ATP10A: variants seen among roughly 807,000 people sequenced by gnomAD.
ATP10A encodes the protein ATPase phospholipid transporting 10A (putative), also known as phospholipid-transporting ATPase VA.
Under a neutral mutation model 147.8 loss-of-function variants are expected in ATP10A, and 111 were observed. The ratio of observed to expected loss-of-function variants is 0.75; its 90% CI spans 0.64 to 0.88. The LOEUF is 0.88. Ranked by LOEUF, ATP10A falls within the 40% of genes least tolerant of loss-of-function variation. The pLI is 0.00. For synonymous variants in ATP10A, 875 were observed against 841.6 expected, an observed-to-expected ratio of 1.04 and a Z score of -0.69; for missense variants, 1,927 against 1,959.0, an observed-to-expected ratio of 0.98 and a Z score of 0.31.
At position 25,855,077 on chromosome 15, in the gene ATP10A, A is replaced by AAC. The variant is rs1555481749; in HGVS notation, c.449+7570_449+7571insGT. Among the ~76,000 whole-genome samples the AAC allele has an allele frequency of 6.0e-5, 9 of 150,662 alleles. No individual in the cohort carries two copies. In the East Asian group the frequency reaches 7.9e-4, roughly 13 times the overall value. ...TCCGTCTCACAAAAAAAAAAAAAAA[A>AAC]CAGAAAAAAAGAAAATAGTGGAAAC... is the stretch of plus-strand genomic sequence containing the variant. On this transcript the variant is annotated intron_variant, in intron 1 of 20. Coordinates refer to ENST00000555815, the MANE Select transcript of ATP10A (RefSeq NM_024490.4).
intron 1 of ATP10A, among the ~76,000 whole-genome samples, chr15:25,807,095 G>A (rs1018666811): frequency 2.6e-5 from 4 of 152,254 alleles, no homozygotes; most frequent in Non-Finnish European, 5.9e-5. Context: ...GAAGTTCATG[G>A]CTTTTAAGGA....
intron 1 of ATP10A, among the ~76,000 whole-genome samples, chr15:25,844,859 G>A (rs1892949599): frequency 6.6e-6 from 1 of 152,188 alleles, no homozygotes; most frequent in Non-Finnish European, 1.5e-5. Flanking sequence ...CACATGAGGT[G>A]GCTTCAGCTT....
intron 1 of ATP10A, among the ~76,000 whole-genome samples, chr15:25,784,905 G>A (rs1162820635): frequency 6.6e-6 from 1 of 150,810 alleles, no homozygotes; most frequent in African/African-American, 2.4e-5. Context: ...CTGGGTGACG[G>A]AGCGAGACCC....
At position 25,708,205 on chromosome 15, in the gene ATP10A, C is replaced by T. The variant is rs537076075; in HGVS notation, c.2440G>A (p.Ala814Thr). ...GAGACACCCCCACTCACTCTCTTGGCGATGCACAAGGTGCGCAGGCCTTCC... is the reference window on the plus strand; with the variant it reads ...GAGACACCCCCACTCACTCTCTTGGTGATGCACAAGGTGCGCAGGCCTTCC... ...AAEGLRTLCI[A>T]KRVLSKEEYA... Residue 814 changes from alanine (A) to threonine (T), a missense_variant, in exon 11 of 21, where the codon GCC becomes ACC. Coordinates refer to ENST00000555815, the MANE Select transcript of ATP10A (RefSeq NM_024490.4). The T allele has an allele frequency of 1.3e-4, 203 of 1,614,200 alleles. 2 individuals are homozygous for T. The South Asian group carries it at 1.7e-3, about 14-fold the overall frequency.
rs188383890 is a variant in ATP10A, at chr15:25,827,269, C to T, written c.449+35379G>A. On this transcript the variant is annotated intron_variant, in intron 1 of 20. Transcript: ENST00000555815. ...CCCCTCTCCTACAAGAAACAATAAA[C>T]AGAGTCCTTCAGGCTGAAATGAAAG... Among the ~76,000 whole-genome samples, 308 of 152,290 alleles carry T rather than the reference C, an allele frequency of 2.0e-3. 2 individuals carry two copies. Among genetic ancestry groups the T allele is most frequent in the African/African-American group, 7.0e-3 (291 of 41,570 alleles).
At chr15:25,859,694 C>A (rs983098740) in intron 1 of ATP10A, among the ~76,000 whole-genome samples, 2 of 152,156 alleles carry the variant, frequency 1.3e-5, no homozygotes, top group Non-Finnish European at 2.9e-5. Context: ...AACAGGACTG[C>A]TTCTCAAACA....
chr15:25,691,584 G>C (rs544993911), intron 15 of ATP10A, 131 bp downstream of exon 15: 4 of 832,598 alleles, frequency 4.8e-6, no homozygotes, highest in Non-Finnish European at 6.0e-6. Context: ...TTGAGCATCA[G>C]CTATATTAAG....
intron 9 of ATP10A, among the ~76,000 whole-genome samples, 168 bp downstream of exon 9, chr15:25,716,562 G>A (rs1901822587): frequency 6.6e-6 from 1 of 152,208 alleles, no homozygotes; most frequent in South Asian, 2.1e-4. Context: ...AGAACCACAA[G>A]CACTGTTTTG....
At chr15:25,693,801 T>C (rs909950415) in intron 14 of ATP10A, among the ~76,000 whole-genome samples, 6 of 152,174 alleles carry the variant, frequency 3.9e-5, no homozygotes, top group Non-Finnish European at 8.8e-5. Context: ...TTCAGGCCAG[T>C]GCTCGCTCTC....
chr15:25,678,615 TC>T (rs1416570476), downstream of ATP10A: 1 of 152,140 alleles, frequency 6.6e-6, no homozygotes, highest in Non-Finnish European at 1.5e-5. Flanking sequence ...CTTCATAGCC[TC>T]TAAAAGGACT....
chr15:25,854,233 C>T (rs1282875528), intron 1 of ATP10A, among the ~76,000 whole-genome samples: 4 of 152,050 alleles, frequency 2.6e-5, no homozygotes, highest in Admixed American at 1.3e-4. Flanking sequence ...GACAGGACAG[C>T]CAGCTTGAAA....
chr15:25,735,364 T>C (rs1169427761), intron 3 of ATP10A, among the ~76,000 whole-genome samples: 1 of 151,962 alleles, frequency 6.6e-6, no homozygotes, highest in Non-Finnish European at 1.5e-5. Context: ...CACACTCCGA[T>C]TATTATGGAA....
intron 1 of ATP10A, among the ~76,000 whole-genome samples, chr15:25,834,847 C>G (rs11630010): frequency 0.96 from 146,088 of 152,308 alleles, 70,411 homozygotes; most frequent in East Asian, 1. Context: ...GCTATGTGAA[C>G]GAAACCAGTT....
At position 25,749,093 on chromosome 15, in the gene ATP10A, C is replaced by T. The variant is rs1006945691; in HGVS notation, c.655-12952G>A. ...AAAAAAAAAAAAAAAAGAATTAATA[C>T]ATGAGTTTAGCAAAGTTTCTGGATA... On this transcript the variant is annotated intron_variant, in intron 2 of 20. Coordinates refer to ENST00000555815, the MANE Select transcript of ATP10A (RefSeq NM_024490.4). Among the ~76,000 whole-genome samples the T allele has an allele frequency of 5.6e-5, 8 of 141,850 alleles. 1 individual carries two copies. Among genetic ancestry groups the T allele is most frequent in the African/African-American group, 2.1e-4 (8 of 38,256 alleles). 93.1% of individuals were successfully genotyped at this position (141,850 alleles called of 152,430 possible).
chr15:25,683,391 G>C lies in ATP10A; in HGVS notation c.3387C>G (p.Leu1129=). Residue 1129 remains leucine, a synonymous_variant, in exon 17 of 21, where the codon CTC becomes CTG. Coordinates refer to ENST00000555815, the MANE Select transcript of ATP10A (RefSeq NM_024490.4). ...DQWYLIFFNL[L]FSSLPPLVTG... ...TCACGAGCGGGGGAAGTGACGAGAAGAGCAGATTAAAGAAGATTAGATACC... is the reference window on the plus strand; with the variant it reads ...TCACGAGCGGGGGAAGTGACGAGAACAGCAGATTAAAGAAGATTAGATACC... 1 of 1,614,102 alleles carries C rather than the reference G, an allele frequency of 6.2e-7. No individual in the cohort carries two copies. Among genetic ancestry groups the C allele is most frequent in the African/African-American group, 1.3e-5 (1 of 75,052 alleles).
intron 2 of ATP10A, among the ~76,000 whole-genome samples, chr15:25,742,696 C>G (rs986232197): frequency 5.3e-5 from 8 of 152,212 alleles, no homozygotes; most frequent in African/African-American, 1.9e-4. Flanking sequence ...CCGTCAAATG[C>G]ACCTAAGAGT....
chr15:25,842,869 A>G (rs1415376043), intron 1 of ATP10A, among the ~76,000 whole-genome samples: 2 of 152,022 alleles, frequency 1.3e-5, no homozygotes, highest in African/African-American at 4.8e-5. Flanking sequence ...GCACATCACC[A>G]CAACTGGCTA....
At chr15:25,803,124 G>A (rs532087327) in intron 1 of ATP10A, among the ~76,000 whole-genome samples, 26 of 152,256 alleles carry the variant, frequency 1.7e-4, no homozygotes, top group African/African-American at 5.5e-4. Context: ...ATCTCACCCC[G>A]GGATGTAGCA....
In ATP10A at chr15:25,718,249, G is replaced by A. The variant is rs918284675; in HGVS notation, c.1514C>T (p.Thr505Met). The change falls in exon 8 of 21, where the codon ACG becomes ATG. Residue 505 changes from threonine (T) to methionine (M), a missense_variant. By Grantham distance (81) the Thr-to-Met change is moderately conservative. Coordinates refer to ENST00000555815, the MANE Select transcript of ATP10A (RefSeq NM_024490.4). ...CCTCTTGGCCTCGGCCCGGCTGCCCGTGCGCCGGTGGGACTTGGTGCTCTG... is the reference window on the plus strand; with the variant it reads ...CCTCTTGGCCTCGGCCCGGCTGCCCATGCGCCGGTGGGACTTGGTGCTCTG... Reference protein sequence around the residue: ...RTQSTKSHRRTGSRAEAKRAS... With the variant: ...RTQSTKSHRRMGSRAEAKRAS... The A allele has an allele frequency of 3.4e-5, 55 of 1,612,734 alleles. No individual in the cohort carries two copies. Among genetic ancestry groups the A allele is most frequent in the Middle Eastern group, 1.7e-4 (1 of 6,052 alleles).
Sources: gnomAD v4.1 joint callset for allele counts (sites outside exome capture counted in the v4.1 genomes callset) on GRCh38, gnomAD v4.1.1 for gene constraint, MANE v1.5 for transcripts, NCBI Gene and HGNC (gene_info 2026-07-23, HGNC 2026-07-21) for gene names.